The following KCNT2 variants were observed in gnomAD, a reference collection of about 807,000 sequenced individuals.
KCNT2 encodes the protein potassium channel subfamily T member 2.
Under a neutral mutation model 153.8 loss-of-function variants are expected in KCNT2, and 67 were observed. The ratio of observed to expected loss-of-function variants is 0.44; its 90% CI spans 0.36 to 0.53. The LOEUF is 0.53. Ranked by LOEUF, KCNT2 falls within the 20% of genes least tolerant of loss-of-function variation. The pLI, the probability that KCNT2 is intolerant of heterozygous loss-of-function variation, is 0.00. For missense variants in KCNT2, 975 were observed against 1,354.8 expected (o/e 0.72, Z 4.40); for synonymous variants, 500 against 458.8 (o/e 1.09, Z -1.15).
At chr1:196,396,597 T>C (rs1290248087) in intron 13 of KCNT2, among the ~76,000 whole-genome samples, 1 of 151,638 alleles carries the variant, frequency 6.6e-6, no homozygotes, top group Non-Finnish European at 1.5e-5. Flanking sequence ...TTTTGTGGCA[T>C]TTTAATGAAA....
chr1:196,250,807 C>A (rs1384774525), intron 26 of KCNT2, among the ~76,000 whole-genome samples: 3 of 151,446 alleles, frequency 2.0e-5, no homozygotes, highest in Non-Finnish European at 4.4e-5. Flanking sequence ...TAAAAATGGG[C>A]AAAAGAGATG....
At chr1:196,340,026 GT>G (rs1175586609) in intron 16 of KCNT2, among the ~76,000 whole-genome samples, 1 of 151,842 alleles carries the variant, frequency 6.6e-6, no homozygotes, top group Non-Finnish European at 1.5e-5. Flanking sequence ...TTAGATTGAG[GT>G]TTTTTTGGAC....
At chr1:196,392,314 T>C (rs906835685) in intron 13 of KCNT2, among the ~76,000 whole-genome samples, 2 of 151,184 alleles carry the variant, frequency 1.3e-5, no homozygotes, top group African/African-American at 2.4e-5. Flanking sequence ...CATGGCCTTA[T>C]GTTAAGTAGT....
At chr1:196,349,921 T>C (rs1375382260) in intron 14 of KCNT2, among the ~76,000 whole-genome samples, 1 of 151,962 alleles carries the variant, frequency 6.6e-6, no homozygotes, top group African/African-American at 2.4e-5. Flanking sequence ...TGTGTTCTCA[T>C]TGTTAAATTC....
At chr1:196,349,592 G>T (rs1572129169) in intron 14 of KCNT2, among the ~76,000 whole-genome samples, 2 of 152,062 alleles carry the variant, frequency 1.3e-5, no homozygotes, top group Admixed American at 1.3e-4. Flanking sequence ...TTTCCTAGCG[G>T]TACACCCTAT....
intron 16 of KCNT2, among the ~76,000 whole-genome samples, chr1:196,339,248 G>T (rs535380863): frequency 1.3e-5 from 2 of 152,108 alleles, no homozygotes; most frequent in East Asian, 3.9e-4. Flanking sequence ...GGAAGAACAT[G>T]GTCAATATTC....
chr1:196,387,923 AT>A (rs1456188323), intron 13 of KCNT2, among the ~76,000 whole-genome samples: 1 of 140,978 alleles, frequency 7.1e-6, no homozygotes, highest in East Asian at 2.0e-4. Context: ...ATGAAAGCCA[AT>A]TTTTCTTTTT....
chr1:196,604,656 G>T (rs1450841607), intron 1 of KCNT2, among the ~76,000 whole-genome samples: 1 of 151,922 alleles, frequency 6.6e-6, no homozygotes, highest in Non-Finnish European at 1.5e-5. Flanking sequence ...TGAGAGAGAA[G>T]CAATTATCTA....
chr1:196,394,985 G>A (rs540651251), intron 13 of KCNT2, among the ~76,000 whole-genome samples: 1 of 147,524 alleles, frequency 6.8e-6, no homozygotes, highest in Admixed American at 6.8e-5. Flanking sequence ...CTTTCCAATA[G>A]ATTTTTTTTT....
At chr1:196,538,238 C>T (rs1158954157) in intron 1 of KCNT2, among the ~76,000 whole-genome samples, 3 of 152,226 alleles carry the variant, frequency 2.0e-5, no homozygotes, top group Non-Finnish European at 1.5e-5. Context: ...AGGTTCCCAC[C>T]GAAGGCCACC....
At chr1:196,500,380 C>T (rs1401286545) in intron 1 of KCNT2, among the ~76,000 whole-genome samples, 1 of 151,974 alleles carries the variant, frequency 6.6e-6, no homozygotes, top group East Asian at 1.9e-4. Flanking sequence ...CAAATTCATA[C>T]AGCTAGGATG....
chr1:196,457,750 A>G (rs139564920), intron 8 of KCNT2, among the ~76,000 whole-genome samples: 8 of 152,086 alleles, frequency 5.3e-5, no homozygotes, highest in African/African-American at 1.7e-4. Flanking sequence ...AAGGCTTCTT[A>G]CCTATCTTCC....
chr1:196,392,605 C>T (rs1213738941), intron 13 of KCNT2, among the ~76,000 whole-genome samples: 2 of 151,288 alleles, frequency 1.3e-5, no homozygotes, highest in Admixed American at 1.3e-4. Flanking sequence ...AAGATGATTT[C>T]CAATATTTAT....
At chr1:196,456,591 C>T (rs1434766488) in intron 8 of KCNT2, among the ~76,000 whole-genome samples, 2 of 151,792 alleles carry the variant, frequency 1.3e-5, no homozygotes, top group Non-Finnish European at 2.9e-5. Flanking sequence ...TATTTATGCC[C>T]CATTGGGTCT....
At chr1:196,587,462 T>C (rs1324945413) in intron 1 of KCNT2, among the ~76,000 whole-genome samples, 1 of 151,988 alleles carries the variant, frequency 6.6e-6, no homozygotes, top group Non-Finnish European at 1.5e-5. Context: ...GCATATGACT[T>C]TTACCTTATA....
rs1381610271 is a variant in KCNT2 at position 196,228,063 on chromosome 1, T to C, written c.*161A>G. On this transcript the variant is annotated 3_prime_UTR_variant, in exon 28 of 28. Coordinates refer to ENST00000294725, the MANE Select transcript of KCNT2 (RefSeq NM_198503.5). ...TAATAGGGAGAGTACCAGTAAGTAGTACATTAAGTTTCAAAATGATCTATA... is the reference window on the plus strand; with the variant it reads ...TAATAGGGAGAGTACCAGTAAGTAGCACATTAAGTTTCAAAATGATCTATA... 1 of 547,356 alleles carries C rather than the reference T, an allele frequency of 1.8e-6. No individual in the cohort carries two copies. The highest frequency in any genetic ancestry group is 1.9e-5 in the African/African-American group (1 of 51,704). 33.9% of individuals were successfully genotyped at this position (547,356 alleles called of 1,614,324 possible). A position where few individuals can be genotyped will look rare whatever the true frequency, so the allele number is the denominator to read the frequency against.
intron 12 of KCNT2, among the ~76,000 whole-genome samples, chr1:196,410,592 A>T (rs1219347086): frequency 6.6e-6 from 1 of 151,528 alleles, no homozygotes; most frequent in Non-Finnish European, 1.5e-5. Context: ...AAATAAAATT[A>T]TACAGATCTC....
At chr1:196,590,208 G>A (rs1663178641) in intron 1 of KCNT2, among the ~76,000 whole-genome samples, 1 of 152,110 alleles carries the variant, frequency 6.6e-6, no homozygotes, top group Non-Finnish European at 1.5e-5. Context: ...ACTGCTACTT[G>A]CCAATCTTTA....
intron 14 of KCNT2, among the ~76,000 whole-genome samples, chr1:196,358,448 A>C (rs1313191612): frequency 6.6e-6 from 1 of 151,910 alleles, no homozygotes; most frequent in Non-Finnish European, 1.5e-5. Flanking sequence ...TTCAACAGAA[A>C]TTTAAGTTAA....
Sources: gnomAD v4.1 joint callset for allele counts (sites outside exome capture counted in the v4.1 genomes callset) on GRCh38, gnomAD v4.1.1 for gene constraint, MANE v1.5 for transcripts, NCBI Gene and HGNC (gene_info 2026-07-23, HGNC 2026-07-21) for gene names.